Variants in GPR158 observed in about 807,000 individuals in gnomAD.
GPR158 encodes metabotropic glycine receptor.
In GPR158, 30 loss-of-function variants were observed where a neutral mutation model predicts 78.2. That is an observed-to-expected ratio of 0.38 (90% confidence interval 0.29 to 0.52). The LOEUF is 0.52. GPR158 is among the 20% of genes least tolerant of loss of function. The pLI is 0.83. For synonymous variants in GPR158, 581 were observed against 591.1 expected, an observed-to-expected ratio of 0.98 and a Z score of 0.25; for missense variants, 1,463 against 1,523.5, an observed-to-expected ratio of 0.96 and a Z score of 0.66.
chr10:25,376,568 A>G (rs906461701), intron 2 of GPR158, among the ~76,000 whole-genome samples: 9 of 151,698 alleles, frequency 5.9e-5, no homozygotes, highest in African/African-American at 4.8e-5. Context: ...ATTACTCCAC[A>G]TATTTATCCA....
At chr10:25,296,191 A>T (rs1854510830) in intron 2 of GPR158, among the ~76,000 whole-genome samples, 1 of 152,068 alleles carries the variant, frequency 6.6e-6, no homozygotes, top group Admixed American at 6.6e-5. Context: ...GGCTATTTGT[A>T]CACTATATCA....
At position 25,465,840 on chromosome 10, in the gene GPR158, G is replaced by A. The variant is rs192497375; in HGVS notation, c.1336-811G>A. Among the ~76,000 whole-genome samples the A allele has an allele frequency of 8.5e-5, 13 of 152,282 alleles. No individual in the cohort carries two copies. In the East Asian group the frequency reaches 2.1e-3, roughly 25 times the overall value. On this transcript the variant is annotated intron_variant, in intron 4 of 10. Transcript: ENST00000376351. ...ATTTTAGAAATACAGGCAAGATCTC[G>A]TTTGTAAATTTCGTGGATTGAAAGT...
intron 2 of GPR158, among the ~76,000 whole-genome samples, chr10:25,238,303 G>C (rs1053052840): frequency 3.3e-5 from 5 of 152,136 alleles, no homozygotes; most frequent in Non-Finnish European, 2.9e-5. Flanking sequence ...TTCCAGTTCC[G>C]ATTATAATGT....
intron 6 of GPR158, among the ~76,000 whole-genome samples, chr10:25,567,625 TTAGA>T (rs1836947626): frequency 1.3e-5 from 2 of 152,216 alleles, no homozygotes; most frequent in Non-Finnish European, 1.5e-5. Context: ...GGGCAAAGGC[TTAGA>T]TAGAGGATAA....
chr10:25,552,642 A>G (rs1836741180), intron 6 of GPR158, among the ~76,000 whole-genome samples: 1 of 152,212 alleles, frequency 6.6e-6, no homozygotes, highest in Admixed American at 6.5e-5. Flanking sequence ...CCCATGGGAC[A>G]TGTTTAATAC....
chr10:25,423,210 A>G (rs573525906), intron 4 of GPR158, among the ~76,000 whole-genome samples: 9 of 150,934 alleles, frequency 6.0e-5, no homozygotes, highest in Non-Finnish European at 1.2e-4. Flanking sequence ...CACACACCAC[A>G]TTTTCTTTAT....
intron 9 of GPR158, among the ~76,000 whole-genome samples, chr10:25,595,816 A>T (rs1837397291): frequency 6.6e-6 from 1 of 152,236 alleles, no homozygotes; most frequent in Non-Finnish European, 1.5e-5. Context: ...AATAGTGATG[A>T]TGGTTGCACA....
At chr10:25,444,653 GGTGTGT>G (rs377184234) in intron 4 of GPR158, among the ~76,000 whole-genome samples, 2 of 150,798 alleles carry the variant, frequency 1.3e-5, no homozygotes, top group Non-Finnish European at 1.5e-5. Context: ...TGTTTGGAGG[GGTGTGT>G]GTGTGTGTAT....
chr10:25,481,177 C>CA (rs1835659748), intron 5 of GPR158, among the ~76,000 whole-genome samples: 1 of 151,630 alleles, frequency 6.6e-6, no homozygotes, highest in African/African-American at 2.4e-5. Flanking sequence ...CAGACAGAGA[C>CA]AGACCTATGG....
chr10:25,217,194 G>A (rs1853228724), intron 1 of GPR158, among the ~76,000 whole-genome samples: 1 of 152,066 alleles, frequency 6.6e-6, no homozygotes, highest in Non-Finnish European at 1.5e-5. Context: ...GTCTCTTTCT[G>A]GTATAATGTG....
chr10:25,506,044 C>G (rs562540044), intron 5 of GPR158, among the ~76,000 whole-genome samples: 1 of 152,306 alleles, frequency 6.6e-6, no homozygotes, highest in African/African-American at 2.4e-5. Flanking sequence ...ACATTTTAAG[C>G]AATCAATCAA....
chr10:25,480,115 CTTTGAG>C (rs1835645981), intron 5 of GPR158, among the ~76,000 whole-genome samples: 1 of 151,742 alleles, frequency 6.6e-6, no homozygotes, highest in African/African-American at 2.4e-5. Flanking sequence ...GTATCTTTTT[CTTTGAG>C]TTTATTTGTC....
At chr10:25,534,652 G>A (rs983909573) in intron 5 of GPR158, among the ~76,000 whole-genome samples, 1 of 151,656 alleles carries the variant, frequency 6.6e-6, no homozygotes, top group Non-Finnish European at 1.5e-5. Flanking sequence ...TATTTGGGAA[G>A]CTAACACAGG....
intron 1 of GPR158, among the ~76,000 whole-genome samples, chr10:25,207,547 C>T (rs1243870247): frequency 6.6e-6 from 1 of 152,110 alleles, no homozygotes. Flanking sequence ...CTCGCATATG[C>T]AGTTCACAAT....
At chr10:25,530,624 C>T (rs1392865300) in intron 5 of GPR158, among the ~76,000 whole-genome samples, 1 of 152,186 alleles carries the variant, frequency 6.6e-6, no homozygotes, top group Non-Finnish European at 1.5e-5. Flanking sequence ...GATCCATTAT[C>T]CAGAAAAATA....
chr10:25,200,877 T>G (rs576812601), intron 1 of GPR158, among the ~76,000 whole-genome samples: 89 of 150,646 alleles, frequency 5.9e-4, no homozygotes, highest in African/African-American at 2.1e-3. Flanking sequence ...TGTTTTTTTT[T>G]TTTTTTTTTT....
intron 5 of GPR158, among the ~76,000 whole-genome samples, chr10:25,474,065 T>C (rs531907657): frequency 3.9e-5 from 6 of 152,060 alleles, no homozygotes; most frequent in Non-Finnish European, 7.4e-5. Context: ...GACAACCAAA[T>C]AGATGGCATG....
chr10:25,265,198 TTTGGG>T (rs1854027314), intron 2 of GPR158, among the ~76,000 whole-genome samples: 1 of 152,190 alleles, frequency 6.6e-6, no homozygotes, highest in Non-Finnish European at 1.5e-5. Context: ...CTCCTTTACT[TTTGGG>T]TTGGGCTCTG....
intron 2 of GPR158, among the ~76,000 whole-genome samples, chr10:25,251,808 C>T (rs1339654832): frequency 2.3e-4 from 34 of 149,922 alleles, no homozygotes; most frequent in African/African-American, 1.5e-4. Context: ...TTGCTCTTCT[C>T]GAGGAGTATC....
Sources: allele counts gnomAD v4.1 joint callset (sites outside exome capture counted in the v4.1 genomes callset), GRCh38; gene constraint gnomAD v4.1.1; transcripts MANE v1.5; gene names NCBI Gene and HGNC (gene_info 2026-07-23, HGNC 2026-07-21).